The following SND1 variants were observed in gnomAD, a reference collection of about 807,000 sequenced individuals.
SND1 encodes staphylococcal nuclease domain-containing protein 1.
SND1 carries 38 observed loss-of-function variants against 121.7 expected under a neutral mutation model. That is an observed-to-expected ratio of 0.31 (90% CI 0.24 to 0.41). The LOEUF is 0.41. Ranked by LOEUF, SND1 falls within the 10% of genes least tolerant of loss-of-function variation. SND1 has a pLI of 1.00. For synonymous variants in SND1, 401 were observed against 447.4 expected (o/e 0.90, Z 1.31); for missense variants, 868 against 1,184.6 (o/e 0.73, Z 3.92).
intron 16 of SND1, among the ~76,000 whole-genome samples, chr7:127,994,474 C>T (rs1802590216): frequency 7.6e-6 from 1 of 130,936 alleles, no homozygotes; most frequent in Non-Finnish European, 1.5e-5. Flanking sequence ...GAGTGAGATA[C>T]TGTGCCATTA....
chr7:127,679,637 T>C (rs1328839554), intron 1 of SND1, among the ~76,000 whole-genome samples: 4 of 152,242 alleles, frequency 2.6e-5, no homozygotes, highest in Non-Finnish European at 4.4e-5. Context: ...ATGTTCTGTC[T>C]ATGGATTTCC....
intron 18 of SND1, among the ~76,000 whole-genome samples, chr7:128,082,649 C>T (rs1460369784): frequency 3.9e-5 from 6 of 152,252 alleles, no homozygotes; most frequent in African/African-American, 1.4e-4. Context: ...CTGAATGAAC[C>T]GGGGCGGTGG....
At chr7:127,873,840 G>C (rs185379649) in intron 12 of SND1, among the ~76,000 whole-genome samples, 17 of 152,010 alleles carry the variant, frequency 1.1e-4, no homozygotes, top group Admixed American at 8.5e-4. Context: ...TCTTGAAATC[G>C]AACCTCATAA....
At chr7:127,823,453 T>C (rs1253339323) in intron 11 of SND1, among the ~76,000 whole-genome samples, 1 of 152,132 alleles carries the variant, frequency 6.6e-6, no homozygotes. Flanking sequence ...AAGGTTCCCA[T>C]GGGAATTGGC....
Position 127,686,610 on chromosome 7 carries a change from T to TA in SND1, c.79-2dup, listed in dbSNP as rs770868215. ...TCATTTTCTCTTTCTTCCCCCTACG[T>TA]AGGTCCTCTCAGGGTGCGCCATCAT... On this transcript the variant is annotated splice_polypyrimidine_tract_variant and splice_region_variant and intron_variant, in intron 1 of 23. Transcript: ENST00000354725. 9 of 1,613,542 alleles carry TA rather than the reference T, an allele frequency of 5.6e-6. No individual in the cohort carries two copies. The highest frequency in any genetic ancestry group is 6.8e-6 in the Non-Finnish European group (8 of 1,179,592).
intron 6 of SND1, 113 bp from the exon 7 acceptor site, chr7:127,703,052 T>C: frequency 8.6e-7 from 1 of 1,162,198 alleles, no homozygotes; most frequent in Non-Finnish European, 1.3e-6. Flanking sequence ...ATTTAAGACC[T>C]TCCTGAGTTT....
intron 11 of SND1, among the ~76,000 whole-genome samples, chr7:127,816,342 A>G (rs760259780): frequency 1.4e-4 from 22 of 152,222 alleles, no homozygotes; most frequent in Middle Eastern, 3.2e-3. Context: ...CTGGAACACT[A>G]TCTCTTTTAC....
Position 128,015,603 on chromosome 7 carries a change from C to T in SND1, c.1779+24547C>T, listed in dbSNP as rs1353081542. ...TGCTTAAAGGTAGTGCCCTGTAATA[C>T]ACCATTATAATCAATTAGTTTCCCT... On this transcript the variant is annotated intron_variant, in intron 16 of 23. Transcript: ENST00000354725. The surrounding 1 kb of genome is among the most constrained non-coding windows in gnomAD (Gnocchi z 4.5). Among the ~76,000 whole-genome samples, 2 of 152,302 alleles carry T rather than the reference C, an allele frequency of 1.3e-5. No individual in the cohort carries two copies. Among genetic ancestry groups the T allele is most frequent in the Admixed American group, 6.5e-5 (1 of 15,306 alleles).
At chr7:127,878,203 C>T (rs1391727466) in intron 12 of SND1, among the ~76,000 whole-genome samples, 1 of 152,116 alleles carries the variant, frequency 6.6e-6, no homozygotes, top group Non-Finnish European at 1.5e-5. Flanking sequence ...GTCATTGTTC[C>T]CACGAGTTCT....
At chr7:127,653,690 G>A (rs1311694808) in intron 1 of SND1, among the ~76,000 whole-genome samples, 1 of 152,140 alleles carries the variant, frequency 6.6e-6, no homozygotes, top group Non-Finnish European at 1.5e-5. Context: ...AGATTAAAAT[G>A]TTCTGCAGCT....
chr7:127,794,404 G>T (rs192313064), intron 10 of SND1, among the ~76,000 whole-genome samples: 26 of 152,282 alleles, frequency 1.7e-4, no homozygotes, highest in African/African-American at 6.0e-4. Context: ...TCAGTTGAAG[G>T]TTCCACTGGC....
At chr7:127,788,771 GT>G (rs1337040763) in intron 10 of SND1, among the ~76,000 whole-genome samples, 1 of 151,724 alleles carries the variant, frequency 6.6e-6, no homozygotes, top group Non-Finnish European at 1.5e-5. Flanking sequence ...TTCCTTTTTT[GT>G]TTTCATTTTC....
intron 13 of SND1, 117 bp downstream of exon 13, chr7:127,888,129 T>C (rs865803966): frequency 1.6e-5 from 10 of 607,074 alleles, no homozygotes; most frequent in Middle Eastern, 3.8e-4. Context: ...AGAAAGCATG[T>C]ATTATTATTC....
chr7:127,732,766 A>G (rs900722832), intron 10 of SND1, among the ~76,000 whole-genome samples: 23 of 152,234 alleles, frequency 1.5e-4, no homozygotes, highest in Admixed American at 2.6e-4. Context: ...AAGTAAATTT[A>G]TATCTTAATT....
intron 15 of SND1, among the ~76,000 whole-genome samples, chr7:127,972,123 C>G (rs1802005352): frequency 6.6e-6 from 1 of 152,208 alleles, no homozygotes; most frequent in Non-Finnish European, 1.5e-5. Flanking sequence ...AAACACCATA[C>G]ATGAAGATAT....
intron 11 of SND1, 87 bp from the exon 12 acceptor site, chr7:127,844,237 T>C: frequency 2.1e-6 from 2 of 955,528 alleles, no homozygotes; most frequent in Non-Finnish European, 3.2e-6. Context: ...AGTGAGCTGA[T>C]CTTTCACAGT....
At chr7:127,668,505 A>G (rs1249920378) in intron 1 of SND1, among the ~76,000 whole-genome samples, 1 of 152,184 alleles carries the variant, frequency 6.6e-6, no homozygotes, top group East Asian at 1.9e-4. Context: ...CCTATTCACC[A>G]TGGTAAATCC....
intron 14 of SND1, among the ~76,000 whole-genome samples, chr7:127,907,318 G>C (rs1254003436): frequency 1.3e-5 from 2 of 152,168 alleles, no homozygotes; most frequent in African/African-American, 2.4e-5. Flanking sequence ...TGGGTTTTCT[G>C]CTTCCTGAAG....
chr7:128,073,743 T>C (rs1463548803), intron 16 of SND1, among the ~76,000 whole-genome samples: 2 of 152,168 alleles, frequency 1.3e-5, no homozygotes, highest in South Asian at 2.1e-4. Context: ...GCCTTCACGA[T>C]GTGGGAGCAG....
Sources: allele counts gnomAD v4.1 joint callset (sites outside exome capture counted in the v4.1 genomes callset), GRCh38; gene constraint gnomAD v4.1.1; non-coding constraint Gnocchi (gnomAD v3.1); transcripts MANE v1.5; gene names NCBI Gene and HGNC (gene_info 2026-07-23, HGNC 2026-07-21).